KIAA1217: variants seen among roughly 807,000 people sequenced by gnomAD.
The protein encoded by KIAA1217 is sickle tail protein homolog.
A neutral mutation model predicts 163.9 loss-of-function variants in KIAA1217; 88 were observed. That is an observed-to-expected ratio of 0.54 (90% CI 0.45 to 0.64). The LOEUF is 0.64. Ranked by LOEUF, KIAA1217 falls within the 30% of genes least tolerant of loss-of-function variation. KIAA1217 has a pLI of 0.00. For synonymous variants in KIAA1217, 903 were observed against 923.1 expected (o/e 0.98, Z 0.39); for missense variants, 2,372 against 2,475.0 (o/e 0.96, Z 0.88).
At chr10:24,275,441 G>T (rs142760601) in intron 2 of KIAA1217, among the ~76,000 whole-genome samples, 1 of 152,202 alleles carries the variant, frequency 6.6e-6, no homozygotes, top group South Asian at 2.1e-4. Flanking sequence ...AAAGCAGAGT[G>T]TTGTTTAGTT....
chr10:24,125,988 G>A (rs1033477254), intron 2 of KIAA1217, among the ~76,000 whole-genome samples: 50 of 152,040 alleles, frequency 3.3e-4, no homozygotes, highest in Admixed American at 1.2e-3. Context: ...TCTTTGTTTC[G>A]TTCTGCAGTT....
At chr10:24,071,645 C>G (rs1447317380) in intron 2 of KIAA1217, among the ~76,000 whole-genome samples, 1 of 152,088 alleles carries the variant, frequency 6.6e-6, no homozygotes, top group Non-Finnish European at 1.5e-5. Context: ...CGGTTAAGTC[C>G]AGCCTAGTAT....
At chr10:24,519,761 C>T (rs1338827788) in intron 10 of KIAA1217, among the ~76,000 whole-genome samples, 1 of 152,130 alleles carries the variant, frequency 6.6e-6, no homozygotes, top group African/African-American at 2.4e-5. Context: ...CTCTCTCTTT[C>T]TCTCTTTCTC....
intron 1 of KIAA1217, among the ~76,000 whole-genome samples, chr10:23,974,717 T>A (rs1316615737): frequency 1.3e-5 from 2 of 152,210 alleles, no homozygotes; most frequent in Admixed American, 1.3e-4. Flanking sequence ...CTGAAAAATG[T>A]GTGCATCATT....
intron 2 of KIAA1217, among the ~76,000 whole-genome samples, chr10:24,238,412 G>T (rs1380265224): frequency 1.3e-5 from 2 of 152,166 alleles, no homozygotes. Flanking sequence ...TGAGAAGAAA[G>T]AGGGCTGGAC....
intron 1 of KIAA1217, among the ~76,000 whole-genome samples, chr10:24,211,532 GTTGTATTGTA>G (rs371671093): frequency 0.078 from 6,175 of 78,750 alleles, 220 homozygotes; most frequent in Non-Finnish European, 0.11. Context: ...ACCATGCATG[GTTGTATTGTA>G]TTGTATTGTA....
At chr10:23,995,481 T>TGTGTGA (rs1302883881) in intron 1 of KIAA1217, among the ~76,000 whole-genome samples, 29 of 144,432 alleles carry the variant, frequency 2.0e-4, no homozygotes, top group African/African-American at 7.3e-4. Context: ...TGTGTGTGTG[T>TGTGTGA]GAGTGTGTGT....
At chr10:23,788,314 T>G (rs1588806658) in intron 1 of KIAA1217, among the ~76,000 whole-genome samples, 1 of 152,048 alleles carries the variant, frequency 6.6e-6, no homozygotes, top group Non-Finnish European at 1.5e-5. Flanking sequence ...AATTTCTGAG[T>G]TGGAAAAGCC....
At chr10:24,079,058 G>A (rs1411750529) in intron 2 of KIAA1217, among the ~76,000 whole-genome samples, 1 of 152,190 alleles carries the variant, frequency 6.6e-6, no homozygotes, top group Non-Finnish European at 1.5e-5. Flanking sequence ...TGTGGGAGAC[G>A]GCTGCTGGCA....
intron 2 of KIAA1217, among the ~76,000 whole-genome samples, chr10:24,303,872 G>A (rs1367615704): frequency 6.6e-6 from 1 of 152,096 alleles, no homozygotes; most frequent in Non-Finnish European, 1.5e-5. Flanking sequence ...AGTTTCACTT[G>A]GATCTTCATA....
intron 1 of KIAA1217, among the ~76,000 whole-genome samples, chr10:23,770,887 C>A (rs1248984234): frequency 2.0e-5 from 3 of 152,160 alleles, no homozygotes; most frequent in Non-Finnish European, 4.4e-5. Context: ...AGTATTGGTG[C>A]TGTACATCCA....
At chr10:23,860,237 ATT>A (rs72322157) in intron 1 of KIAA1217, among the ~76,000 whole-genome samples, 7 of 147,086 alleles carry the variant, frequency 4.8e-5, no homozygotes, top group African/African-American at 1.5e-4. Context: ...GTAAATGCAC[ATT>A]TTTTTTTTTA....
At chr10:23,949,162 T>G (rs1844207266) in intron 1 of KIAA1217, among the ~76,000 whole-genome samples, 1 of 152,178 alleles carries the variant, frequency 6.6e-6, no homozygotes, top group African/African-American at 2.4e-5. Flanking sequence ...GAAGTCTTCT[T>G]CAATACATTT....
chr10:23,774,139 T>C (rs1257901965), intron 1 of KIAA1217, among the ~76,000 whole-genome samples: 2 of 152,196 alleles, frequency 1.3e-5, no homozygotes, highest in Non-Finnish European at 2.9e-5. Context: ...GTCCCATCAA[T>C]ACCTAATTTA....
At chr10:24,037,324 G>A (rs919857899) in intron 2 of KIAA1217, among the ~76,000 whole-genome samples, 3 of 151,754 alleles carry the variant, frequency 2.0e-5, no homozygotes, top group African/African-American at 7.3e-5. Flanking sequence ...AAAATAAAAA[G>A]AATAAAAAAT....
At chr10:24,541,860 A>G (rs2075147331) in intron 17 of KIAA1217, among the ~76,000 whole-genome samples, 1 of 152,216 alleles carries the variant, frequency 6.6e-6, no homozygotes, top group Non-Finnish European at 1.5e-5. Context: ...TGTAACCTCA[A>G]ATATCTGCTT....
intron 1 of KIAA1217, among the ~76,000 whole-genome samples, chr10:23,767,786 A>T (rs1458823838): frequency 6.6e-6 from 1 of 152,150 alleles, no homozygotes; most frequent in East Asian, 1.9e-4. Flanking sequence ...TGTATGCAGA[A>T]GGAAAAACTC....
chr10:24,431,463 G>A (rs919445265), intron 3 of KIAA1217, among the ~76,000 whole-genome samples: 1 of 152,096 alleles, frequency 6.6e-6, no homozygotes, highest in Non-Finnish European at 1.5e-5. Context: ...TCTCATTTCT[G>A]CTGGCATCAG....
chr10:24,428,026 C>T (rs2059307197), intron 3 of KIAA1217, among the ~76,000 whole-genome samples: 2 of 151,924 alleles, frequency 1.3e-5, no homozygotes, highest in South Asian at 4.1e-4. Context: ...CAGCCAGACC[C>T]TGAGGTAACT....
Sources: allele counts gnomAD v4.1 joint callset (sites outside exome capture counted in the v4.1 genomes callset), GRCh38; gene constraint gnomAD v4.1.1; transcripts MANE v1.5; gene names NCBI Gene and HGNC (gene_info 2026-07-23, HGNC 2026-07-21).